The following IL17B variants were observed in gnomAD, a reference collection of about 807,000 sequenced individuals.
The protein encoded by IL17B is interleukin-17B.
A neutral mutation model predicts 14.7 loss-of-function variants in IL17B; 14 were observed. That is an observed-to-expected ratio of 0.95 (90% CI 0.63 to 1.49). The LOEUF is 1.49. Ranked by LOEUF, IL17B falls within the 40% of genes most tolerant of loss-of-function variation. The pLI, the probability that IL17B is intolerant of heterozygous loss-of-function variation, is 0.00. For missense variants in IL17B, 233 were observed against 252.8 expected (o/e 0.92, Z 0.53); for synonymous variants, 105 against 94.8 (o/e 1.11, Z -0.62).
At chr5:149,376,302 G>T (rs1758531919) in intron 2 of IL17B, among the ~76,000 whole-genome samples, 1 of 152,214 alleles carries the variant, frequency 6.6e-6, no homozygotes, top group Admixed American at 6.5e-5. Flanking sequence ...TTGGGCATGG[G>T]AATCCCTAGG....
intron 2 of IL17B, 105 bp downstream of exon 2, chr5:149,376,631 C>A: frequency 6.9e-7 from 1 of 1,452,682 alleles, no homozygotes; most frequent in Non-Finnish European, 9.2e-7. Context: ...GGTTCGAACC[C>A]AAGCACCCAG....
In IL17B at chr5:149,389,477, C is replaced by G. The variant is rs150489276; in HGVS notation, n.96-12452G>C. On this transcript the variant is annotated intron_variant and non_coding_transcript_variant, in intron 1 of 2. Coordinates refer to the IL17B transcript ENST00000505432. The stretch of plus-strand genomic sequence containing the variant: ...CTCCTCTCTTTTACAGATGGGAAAA[C>G]AGAAGTCCAGAGAGGAAAAGAGACT... 4.0e-3 allele frequency among the ~76,000 whole-genome samples: 613 copies of G among 152,346 alleles called. 2 individuals carry two copies. The highest frequency in any genetic ancestry group is 6.8e-3 in the Middle Eastern group (2 of 294).
chr5:149,402,031 G>A (rs1374855540), intron 1 of IL17B, among the ~76,000 whole-genome samples: 1 of 152,190 alleles, frequency 6.6e-6, no homozygotes, highest in African/African-American at 2.4e-5. Context: ...AGCCCCATGT[G>A]CTGGTGATAG....
intron 1 of IL17B, among the ~76,000 whole-genome samples, chr5:149,378,076 G>A (rs551194063): frequency 1.3e-5 from 2 of 151,284 alleles, no homozygotes; most frequent in Admixed American, 6.6e-5. Context: ...CCCGGGAGGC[G>A]GAGCTTGCAG....
At chr5:149,398,647 C>T (rs911876577) in intron 1 of IL17B, among the ~76,000 whole-genome samples, 6 of 152,224 alleles carry the variant, frequency 3.9e-5, no homozygotes, top group Non-Finnish European at 7.3e-5. Flanking sequence ...TGGCTCACGC[C>T]TGTAATCCCA....
intron 1 of IL17B, among the ~76,000 whole-genome samples, chr5:149,388,292 G>A (rs1295658500): frequency 6.6e-6 from 1 of 152,182 alleles, no homozygotes; most frequent in African/African-American, 2.4e-5. Flanking sequence ...ACATGGCTAT[G>A]TTCATAAATT....
chr5:149,390,883 T>C (rs1758936010), intron 1 of IL17B, among the ~76,000 whole-genome samples: 1 of 152,138 alleles, frequency 6.6e-6, no homozygotes, highest in Non-Finnish European at 1.5e-5. Flanking sequence ...ATTTTTTTAA[T>C]AAACTGTTAT....
chr5:149,376,241 G>A (rs894351547), intron 2 of IL17B, among the ~76,000 whole-genome samples: 15 of 152,328 alleles, frequency 9.8e-5, no homozygotes, highest in East Asian at 5.8e-4. Flanking sequence ...CCCTGATCAC[G>A]TGGAGCTATA....
chr5:149,379,881 C>T (rs1480784383), upstream of IL17B, among the ~76,000 whole-genome samples: 1 of 152,150 alleles, frequency 6.6e-6, no homozygotes, highest in African/African-American at 2.4e-5. Flanking sequence ...CTATTCTCAC[C>T]CTGTCCCCAT....
At chr5:149,377,223 CT>C (rs1247873468) in intron 1 of IL17B, among the ~76,000 whole-genome samples, 198 bp from the exon 2 acceptor site, 14 of 152,192 alleles carry the variant, frequency 9.2e-5, no homozygotes, top group Admixed American at 6.5e-5. Flanking sequence ...CTGGTCTTCT[CT>C]CAGTCTTACA....
At position 149,374,388 on chromosome 5, in the gene IL17B, C is replaced by T. The variant is rs1758459102; in HGVS notation, c.524G>A (p.Gly175Asp). The change falls in exon 3 of 3, where the codon GGC becomes GAC. Residue 175 changes from glycine (G) to aspartate (D), a missense_variant. Transcript: ENST00000261796. The surrounding 1 kb of genome is among the most constrained non-coding windows in gnomAD (Gnocchi z 5.0). ...QRAVMETIAV[G>D]CTCIF The stretch of plus-strand genomic sequence containing the variant: ...GGTGATTCAGAAGATGCAGGTGCAG[C>T]CCACAGCGATGGTCTCCATGACTGC... 6.3e-7 allele frequency: 1 copy of T among 1,583,408 alleles called. No homozygotes were observed. Among genetic ancestry groups the T allele is most frequent in the Admixed American group, 1.7e-5 (1 of 59,340 alleles).
intron 1 of IL17B, among the ~76,000 whole-genome samples, chr5:149,403,389 T>C (rs901641648): frequency 6.6e-6 from 1 of 152,160 alleles, no homozygotes; most frequent in African/African-American, 2.4e-5. Context: ...CCTAGCCATG[T>C]GGGCAGCTTT....
chr5:149,380,126 C>G (rs1469395758), upstream of IL17B, among the ~76,000 whole-genome samples: 1 of 152,148 alleles, frequency 6.6e-6, no homozygotes, highest in Non-Finnish European at 1.5e-5. Flanking sequence ...AGCCTCAGTT[C>G]CCTCCTCCAT....
intron 1 of IL17B, among the ~76,000 whole-genome samples, chr5:149,384,501 A>G (rs1758779751): frequency 1.3e-5 from 2 of 152,188 alleles, no homozygotes; most frequent in South Asian, 4.1e-4. Context: ...GCCAGTATAG[A>G]TTAATATTTA....
chr5:149,396,656 G>A (rs1018316966), intron 1 of IL17B, among the ~76,000 whole-genome samples: 26 of 152,142 alleles, frequency 1.7e-4, no homozygotes, highest in African/African-American at 5.6e-4. Context: ...CTATAGTCCC[G>A]GAAGGCAGAG....
intron 1 of IL17B, among the ~76,000 whole-genome samples, chr5:149,388,263 G>C (rs1461567548): frequency 6.6e-6 from 1 of 152,158 alleles, no homozygotes; most frequent in Non-Finnish European, 1.5e-5. Flanking sequence ...GGATTGTTTG[G>C]CCCTTCAGTC....
chr5:149,389,822 C>T (rs979343316), intron 1 of IL17B, among the ~76,000 whole-genome samples: 5 of 152,194 alleles, frequency 3.3e-5, no homozygotes, highest in African/African-American at 7.2e-5. Flanking sequence ...TTTTTCACTT[C>T]GTTAATGCAA....
intron 1 of IL17B, among the ~76,000 whole-genome samples, chr5:149,397,260 C>T (rs958750424): frequency 6.6e-6 from 1 of 152,194 alleles, no homozygotes; most frequent in Non-Finnish European, 1.5e-5. Context: ...ACATCTACCC[C>T]TTGGGTTCAA....
chr5:149,388,874 G>A (rs1758882547), intron 1 of IL17B, among the ~76,000 whole-genome samples: 3 of 152,230 alleles, frequency 2.0e-5, no homozygotes, highest in African/African-American at 7.2e-5. Flanking sequence ...CTCTGCCCCA[G>A]CCACATATTT....
Sources: gnomAD v4.1 joint callset for allele counts (sites outside exome capture counted in the v4.1 genomes callset) on GRCh38, gnomAD v4.1.1 for gene constraint, Gnocchi (gnomAD v3.1) non-coding constraint, MANE v1.5 for transcripts, NCBI Gene and HGNC (gene_info 2026-07-23, HGNC 2026-07-21) for gene names.